The following AASS variants were observed in gnomAD, a reference collection of about 807,000 sequenced individuals.
AASS encodes alpha-aminoadipic semialdehyde synthase, mitochondrial.
A neutral mutation model predicts 105.4 loss-of-function variants in AASS; 86 were observed. The ratio of observed to expected loss-of-function variants is 0.82; its 90% CI spans 0.69 to 0.98. The LOEUF (loss-of-function observed/expected upper bound fraction) is 0.98. Among genes scored for constraint, AASS ranks in the 50% least tolerant of loss-of-function variants. The pLI is 0.00. For synonymous variants in AASS, 381 were observed against 394.8 expected (o/e 0.96, Z 0.41); for missense variants, 1,048 against 1,143.2 (o/e 0.92, Z 1.20).
intron 4 of AASS, among the ~76,000 whole-genome samples, chr7:122,125,126 G>T: frequency 6.6e-6 from 1 of 151,866 alleles, no homozygotes; most frequent in Non-Finnish European, 1.5e-5. Context: ...CACCATATTG[G>T]TCAGGCTGGT....
chr7:122,103,732 C>T (rs1274935174), intron 11 of AASS, among the ~76,000 whole-genome samples: 6 of 151,558 alleles, frequency 4.0e-5, no homozygotes, highest in Admixed American at 3.3e-4. Context: ...TTGCACCCAA[C>T]TCAGAAAGGT....
intron 1 of AASS, among the ~76,000 whole-genome samples, chr7:122,139,781 A>C (rs928721161): frequency 3.3e-5 from 5 of 152,088 alleles, no homozygotes; most frequent in African/African-American, 7.2e-5. Flanking sequence ...GCAAAACCCC[A>C]TCTCTACTAA....
intron 9 of AASS, 54 bp from the exon 10 acceptor site, chr7:122,113,774 A>G: frequency 2.5e-6 from 4 of 1,596,570 alleles, no homozygotes; most frequent in Non-Finnish European, 3.4e-6. Context: ...AGTCTCCAAC[A>G]AGACTAAAAA....
chr7:122,080,094 G>T (rs2150507604), intron 20 of AASS, among the ~76,000 whole-genome samples: 1 of 152,298 alleles, frequency 6.6e-6, no homozygotes, highest in East Asian at 1.9e-4. Flanking sequence ...AAGGCTTACT[G>T]CAGTGGTTGC....
At chr7:122,076,981 T>G (rs1793043534) in intron 23 of AASS, among the ~76,000 whole-genome samples, 1 of 152,082 alleles carries the variant, frequency 6.6e-6, no homozygotes, top group South Asian at 2.1e-4. Context: ...ACCAACAGAA[T>G]GAGTTGTAAC....
At chr7:122,113,779 TA>T (rs36059311) in intron 9 of AASS, 59 bp from the exon 10 acceptor site, 802 of 1,551,286 alleles carry the variant, frequency 5.2e-4, no homozygotes, top group Admixed American at 9.0e-4. Context: ...CCAACAAGAC[TA>T]AAAAAAAAGG....
At chr7:122,105,239 A>G (rs2134059) in intron 11 of AASS, among the ~76,000 whole-genome samples, 45,511 of 151,928 alleles carry the variant, frequency 0.3, 7,114 homozygotes, top group East Asian at 0.43. Flanking sequence ...ATATTAATTA[A>G]TCAACATGAA....
In AASS at chr7:122,116,870, G is replaced by A; in HGVS notation, c.766+9C>T. The stretch of plus-strand genomic sequence containing the variant: ...AAACATTAAAAGTTAGTCATCTCCT[G>A]TCCCTTACCTCCAGTTTGGGAAACT... On this transcript the variant is annotated intron_variant, in intron 7 of 23. Coordinates refer to ENST00000417368, the MANE Select transcript of AASS (RefSeq NM_005763.4). 1.2e-6 allele frequency: 2 copies of A among 1,613,374 alleles called. No homozygotes were observed. The highest frequency in any genetic ancestry group is 1.1e-5 in the South Asian group (1 of 91,068).
At chr7:122,094,887 C>T (rs1413578562) in intron 15 of AASS, among the ~76,000 whole-genome samples, 1 of 151,914 alleles carries the variant, frequency 6.6e-6, no homozygotes, top group African/African-American at 2.4e-5. Context: ...TAGTTTGACA[C>T]TTCCTGATAG....
chr7:122,079,402 A>G, intron 21 of AASS, 195 bp downstream of exon 21: 1 of 1,305,900 alleles, frequency 7.7e-7, no homozygotes. Context: ...CATTTCTCAA[A>G]TTCTAATTGC....
intron 2 of AASS, among the ~76,000 whole-genome samples, chr7:122,132,538 T>C (rs1268401568): frequency 6.6e-6 from 1 of 152,130 alleles, no homozygotes; most frequent in Non-Finnish European, 1.5e-5. Flanking sequence ...ATATAGACTT[T>C]AACAATGAAG....
Position 122,076,542 on chromosome 7 carries a change from G to C in AASS, c.2728C>G (p.Arg910Gly), listed in dbSNP as rs1463650183. 3.7e-6 allele frequency: 6 copies of C among 1,613,482 alleles called. No homozygotes were observed. Among genetic ancestry groups the C allele is most frequent in the Middle Eastern group, 1.6e-4 (1 of 6,082 alleles). Reference protein sequence around the residue: ...SKEIYGPILERIKAEGIIYTT... With the variant: ...SKEIYGPILEGIKAEGIIYTT... ...TATATAATGCCTTCTGCTTTAATTCGCTCCAATATTGGTCCATAGATCTCC... is the reference window on the plus strand; with the variant it reads ...TATATAATGCCTTCTGCTTTAATTCCCTCCAATATTGGTCCATAGATCTCC... The change falls in exon 24 of 24, where the codon CGA becomes GGA. Residue 910 changes from arginine to glycine, a missense_variant. Physicochemically the swap from Arg to Gly is moderately radical, Grantham distance 125. Transcript: ENST00000417368.
intron 4 of AASS, 75 bp from the exon 5 acceptor site, chr7:122,118,705 A>G (rs368217014): frequency 3.5e-6 from 5 of 1,416,826 alleles, no homozygotes; most frequent in Non-Finnish European, 4.9e-6. Flanking sequence ...TCGTTCTCCA[A>G]TCTGCATGGT....
At chr7:122,103,821 C>T (rs770584923) in intron 11 of AASS, among the ~76,000 whole-genome samples, 11 of 151,726 alleles carry the variant, frequency 7.2e-5, no homozygotes, top group African/African-American at 1.5e-4. Flanking sequence ...CACACACACA[C>T]GCTGGTGGGA....
intron 11 of AASS, among the ~76,000 whole-genome samples, chr7:122,106,131 C>T (rs1256136761): frequency 6.6e-6 from 1 of 151,986 alleles, no homozygotes; most frequent in Non-Finnish European, 1.5e-5. Flanking sequence ...AGGGGGTTGT[C>T]TAGATATAGA....
intron 1 of AASS, among the ~76,000 whole-genome samples, chr7:122,142,356 GTAGACTCAC>G (rs1563001573): frequency 1.1e-3 from 166 of 148,660 alleles, no homozygotes; most frequent in African/African-American, 4.1e-3. Flanking sequence ...GCCGCTAACA[GTAGACTCAC>G]ATTTCTTTCC....
rs142899940 is a variant in AASS, at chr7:122,076,539, T to A, written c.2731A>T (p.Ile911Phe). 1 of 1,613,986 alleles carries A rather than the reference T, an allele frequency of 6.2e-7. No individual in the cohort carries two copies. Among genetic ancestry groups the A allele is most frequent in the Admixed American group, 1.7e-5 (1 of 60,030 alleles). ...KEIYGPILER[I>F]KAEGIIYTTQ... ...GTATATATAATGCCTTCTGCTTTAA[T>A]TCGCTCCAATATTGGTCCATAGATC... The change falls in exon 24 of 24, where the codon ATT (isoleucine) becomes TTT (phenylalanine). Residue 911 changes from isoleucine to phenylalanine, a missense_variant. Ile to Phe is a conservative substitution (Grantham distance 21). Coordinates refer to ENST00000417368, the MANE Select transcript of AASS (RefSeq NM_005763.4).
chr7:122,100,850 T>A (rs1413987780), intron 13 of AASS, among the ~76,000 whole-genome samples: 1 of 151,916 alleles, frequency 6.6e-6, no homozygotes, highest in Non-Finnish European at 1.5e-5. Flanking sequence ...TTTTGGCACC[T>A]TCCCCCTAAT....
intron 6 of AASS, 30 bp from the exon 7 acceptor site, chr7:122,116,987 A>C: frequency 6.3e-7 from 1 of 1,583,418 alleles, no homozygotes; most frequent in Non-Finnish European, 8.7e-7. Flanking sequence ...AAAAATCCAA[A>C]AATCAATAGA....
Sources: gnomAD v4.1 joint callset for allele counts (sites outside exome capture counted in the v4.1 genomes callset) on GRCh38, gnomAD v4.1.1 for gene constraint, MANE v1.5 for transcripts, NCBI Gene and HGNC (gene_info 2026-07-23, HGNC 2026-07-21) for gene names.